Variants in METTL15 observed in about 807,000 individuals in gnomAD.
METTL15 encodes the protein methyltransferase 15, mitochondrial 12S rRNA N4-cytidine.
Under a neutral mutation model 38.3 loss-of-function variants are expected in METTL15, and 34 were observed. The observed-to-expected ratio is 0.89, with a 90% CI of 0.68 to 1.18. The LOEUF (loss-of-function observed/expected upper bound fraction) is 1.18. Ranked by LOEUF, METTL15 falls within the 50% of genes most tolerant of loss-of-function variation. The pLI is 0.00. For missense variants in METTL15, 438 were observed against 498.4 expected (o/e 0.88, Z 1.15); for synonymous variants, 162 against 170.9 (o/e 0.95, Z 0.41).
At chr11:28,234,663 T>C (rs1242808933) in intron 4 of METTL15, among the ~76,000 whole-genome samples, 4 of 148,268 alleles carry the variant, frequency 2.7e-5, no homozygotes, top group Non-Finnish European at 6.0e-5. Flanking sequence ...TTTGTTTTTT[T>C]CTTGTAAATT....
At chr11:28,118,774 A>G (rs1852082943) in intron 3 of METTL15, among the ~76,000 whole-genome samples, 1 of 152,158 alleles carries the variant, frequency 6.6e-6, no homozygotes, top group African/African-American at 2.4e-5. Flanking sequence ...TTAACTTTCC[A>G]TGGTTGTGCC....
intron 3 of METTL15, among the ~76,000 whole-genome samples, chr11:28,170,078 C>T (rs1398904293): frequency 6.6e-6 from 1 of 152,002 alleles, no homozygotes; most frequent in Non-Finnish European, 1.5e-5. Context: ...TTGGGAGATT[C>T]TAAATTTTAG....
intron 3 of METTL15, among the ~76,000 whole-genome samples, chr11:28,158,295 C>T (rs1244875856): frequency 6.6e-6 from 1 of 152,114 alleles, no homozygotes; most frequent in Non-Finnish European, 1.5e-5. Flanking sequence ...CTGTGGACAC[C>T]TTCAGCCTCT....
intron 5 of METTL15, among the ~76,000 whole-genome samples, chr11:28,384,102 C>A (rs1850416050): frequency 6.6e-6 from 1 of 152,088 alleles, no homozygotes; most frequent in South Asian, 2.1e-4. Context: ...AGGATAATGA[C>A]TTCCAGCTCC....
At chr11:28,210,877 C>T (rs921802428) in intron 3 of METTL15, among the ~76,000 whole-genome samples, 185 bp from the exon 4 acceptor site, 1 of 151,948 alleles carries the variant, frequency 6.6e-6, no homozygotes, top group Non-Finnish European at 1.5e-5. Flanking sequence ...TTCTTTTAGA[C>T]TTATCACTCA....
intron 3 of METTL15, among the ~76,000 whole-genome samples, chr11:28,199,892 G>A (rs775748378): frequency 3.9e-5 from 6 of 151,928 alleles, no homozygotes; most frequent in East Asian, 1.9e-4. Flanking sequence ...ACAGGCGCCC[G>A]CCACCATGCC....
intron 6 of METTL15, among the ~76,000 whole-genome samples, chr11:28,462,459 C>T (rs1851223982): frequency 6.7e-6 from 1 of 148,988 alleles, no homozygotes; most frequent in South Asian, 2.1e-4. Context: ...CATACACACA[C>T]ATCTGCAAGC....
intron 5 of METTL15, among the ~76,000 whole-genome samples, chr11:28,295,971 C>A (rs1353162023): frequency 6.6e-6 from 1 of 152,094 alleles, no homozygotes; most frequent in African/African-American, 2.4e-5. Context: ...ACTTAGAATT[C>A]TTTGGCCCAT....
intron 6 of METTL15, among the ~76,000 whole-genome samples, chr11:28,523,755 A>T (rs1851786481): frequency 6.6e-6 from 1 of 152,256 alleles, no homozygotes; most frequent in Admixed American, 6.5e-5. Flanking sequence ...GGCCCATTCT[A>T]TGAATTTGAC....
intron 4 of METTL15, among the ~76,000 whole-genome samples, chr11:28,353,783 G>A (rs1158060679): frequency 6.6e-6 from 1 of 151,572 alleles, no homozygotes; most frequent in Non-Finnish European, 1.5e-5. Flanking sequence ...AAATTAGCCG[G>A]GCGCGGTGGC....
chr11:28,356,217 T>C (rs1244007669), intron 4 of METTL15, among the ~76,000 whole-genome samples: 3 of 152,256 alleles, frequency 2.0e-5, no homozygotes, highest in African/African-American at 7.2e-5. Context: ...AGCATTGTTT[T>C]ACAATGTAAT....
intron 6 of METTL15, among the ~76,000 whole-genome samples, chr11:28,436,190 C>T (rs4244535): frequency 0.53 from 79,844 of 151,934 alleles, 21,404 homozygotes; most frequent in East Asian, 0.74. Flanking sequence ...TGAAATGGAT[C>T]GCCATTTCTC....
At chr11:28,177,537 A>G (rs758241887) in intron 3 of METTL15, among the ~76,000 whole-genome samples, 6 of 152,016 alleles carry the variant, frequency 3.9e-5, no homozygotes, top group Non-Finnish European at 8.8e-5. Flanking sequence ...TAGGCCCAAC[A>G]TTTAAGTTGT....
At chr11:28,279,914 C>CAAAAAAAAA (rs57284585) in intron 4 of METTL15, among the ~76,000 whole-genome samples, 4 of 81,636 alleles carry the variant, frequency 4.9e-5, no homozygotes, top group African/African-American at 9.6e-5. Context: ...CAAAACAAAA[C>CAAAAAAAAA]AAAAAAAAAA....
chr11:28,404,913 A>G (rs1850661537), intron 5 of METTL15, among the ~76,000 whole-genome samples: 1 of 152,102 alleles, frequency 6.6e-6, no homozygotes, highest in Admixed American at 6.6e-5. Flanking sequence ...TGTGAATCTG[A>G]AGTAGAGATT....
intron 4 of METTL15, among the ~76,000 whole-genome samples, chr11:28,216,904 T>C (rs1374113560): frequency 6.6e-6 from 1 of 151,336 alleles, no homozygotes; most frequent in Non-Finnish European, 1.5e-5. Context: ...TCTTTTTTTA[T>C]GGCTGCATAG....
At chr11:28,520,741 C>T (rs540777670) in intron 6 of METTL15, among the ~76,000 whole-genome samples, 16 of 152,266 alleles carry the variant, frequency 1.1e-4, no homozygotes, top group South Asian at 8.3e-4. Context: ...CCATTCTTCA[C>T]GGAGTTTAGA....
chr11:28,531,639 T>A (rs1422124978), downstream of METTL15, among the ~76,000 whole-genome samples: 1 of 152,082 alleles, frequency 6.6e-6, no homozygotes, highest in African/African-American at 2.4e-5. Flanking sequence ...TAGATGGTAT[T>A]GATTAAATGC....
intron 5 of METTL15, among the ~76,000 whole-genome samples, chr11:28,370,135 C>G (rs1452275277): frequency 6.6e-6 from 1 of 152,062 alleles, no homozygotes; most frequent in Non-Finnish European, 1.5e-5. Context: ...ACTGTAGTTA[C>G]ATACTGATCT....
Sources: gnomAD v4.1 joint callset for allele counts (sites outside exome capture counted in the v4.1 genomes callset) on GRCh38, gnomAD v4.1.1 for gene constraint, MANE v1.5 for transcripts, NCBI Gene and HGNC (gene_info 2026-07-23, HGNC 2026-07-21) for gene names.